The following STXBP5L variants were observed in gnomAD, a reference collection of about 807,000 sequenced individuals.
STXBP5L encodes the protein syntaxin binding protein 5L, also known as syntaxin-binding protein 5-like.
Under a neutral mutation model 144.5 loss-of-function variants are expected in STXBP5L, and 65 were observed. That is an observed-to-expected ratio of 0.45 (90% confidence interval 0.37 to 0.55). The LOEUF (loss-of-function observed/expected upper bound fraction) is 0.55, where lower values mean the gene tolerates loss of function less well. STXBP5L is among the 20% of genes least tolerant of loss of function. STXBP5L has a pLI of 0.00. For missense variants in STXBP5L, 1,298 were observed against 1,405.5 expected (o/e 0.92, Z 1.22); for synonymous variants, 505 against 469.6 (o/e 1.08, Z -0.97).
At chr3:121,103,148 C>T (rs1033250181) in intron 5 of STXBP5L, among the ~76,000 whole-genome samples, 28 of 152,124 alleles carry the variant, frequency 1.8e-4, no homozygotes, top group South Asian at 1.2e-3. Flanking sequence ...TTGGAGATTT[C>T]ACAAACAAAA....
chr3:121,327,937 A>C (rs1358082036), intron 20 of STXBP5L, among the ~76,000 whole-genome samples: 4 of 152,226 alleles, frequency 2.6e-5, no homozygotes, highest in African/African-American at 9.6e-5. Flanking sequence ...GAGCTAAGAC[A>C]GGCAGTTTTT....
At chr3:121,409,643 CAA>C (rs1248850342) in intron 23 of STXBP5L, among the ~76,000 whole-genome samples, 1 of 151,744 alleles carries the variant, frequency 6.6e-6, no homozygotes, top group Non-Finnish European at 1.5e-5. Flanking sequence ...TGAAAAAACT[CAA>C]AGAGAAGAAT....
intron 3 of STXBP5L, among the ~76,000 whole-genome samples, chr3:120,970,101 T>C (rs1336513938): frequency 6.6e-6 from 1 of 152,056 alleles, no homozygotes; most frequent in Non-Finnish European, 1.5e-5. Context: ...AATAATTTGA[T>C]TTATTGGTGT....
At chr3:121,318,973 A>G (rs1390758113) in intron 20 of STXBP5L, among the ~76,000 whole-genome samples, 1 of 152,180 alleles carries the variant, frequency 6.6e-6, no homozygotes, top group Admixed American at 6.5e-5. Flanking sequence ...ATTCACAAGG[A>G]AAAATGATGA....
chr3:121,065,138 C>A (rs1031425739), intron 5 of STXBP5L, among the ~76,000 whole-genome samples: 2 of 151,844 alleles, frequency 1.3e-5, no homozygotes, highest in Non-Finnish European at 2.9e-5. Flanking sequence ...ATCTGATCCA[C>A]TGTTGATGGG....
At chr3:121,124,878 A>G (rs1402404738) in intron 7 of STXBP5L, among the ~76,000 whole-genome samples, 1 of 152,134 alleles carries the variant, frequency 6.6e-6, no homozygotes, top group Non-Finnish European at 1.5e-5. Flanking sequence ...CATTAAGTAA[A>G]ATGGTTGTTG....
At chr3:121,040,739 G>T (rs749437182) in intron 3 of STXBP5L, among the ~76,000 whole-genome samples, 3 of 151,922 alleles carry the variant, frequency 2.0e-5, no homozygotes, top group South Asian at 2.1e-4. Flanking sequence ...CCTTGTGTTG[G>T]AGCCTTGAAA....
chr3:120,979,098 G>A (rs1941443885), intron 3 of STXBP5L, among the ~76,000 whole-genome samples: 1 of 152,212 alleles, frequency 6.6e-6, no homozygotes, highest in African/African-American at 2.4e-5. Flanking sequence ...GGACATTTAA[G>A]TCTGCAGAGG....
chr3:121,371,469 G>C (rs1295655475), intron 20 of STXBP5L, among the ~76,000 whole-genome samples: 1 of 152,242 alleles, frequency 6.6e-6, no homozygotes, highest in East Asian at 1.9e-4. Context: ...TCGTAGGGTG[G>C]TGGCAGCAGA....
chr3:121,075,837 A>G (rs887660814), intron 5 of STXBP5L, among the ~76,000 whole-genome samples: 1 of 152,196 alleles, frequency 6.6e-6, no homozygotes, highest in Non-Finnish European at 1.5e-5. Flanking sequence ...CTTATTGTGC[A>G]TACTGCCTGA....
intron 7 of STXBP5L, among the ~76,000 whole-genome samples, chr3:121,148,071 C>T (rs748982878): frequency 6.6e-5 from 10 of 152,148 alleles, no homozygotes; most frequent in East Asian, 1.9e-4. Flanking sequence ...TTCATAATCA[C>T]GTGAGCCAAT....
At chr3:121,091,957 G>T (rs1235081568) in intron 5 of STXBP5L, among the ~76,000 whole-genome samples, 4 of 152,076 alleles carry the variant, frequency 2.6e-5, no homozygotes, top group Non-Finnish European at 5.9e-5. Context: ...TTTGTATAAG[G>T]TGTAAGGAAG....
intron 9 of STXBP5L, among the ~76,000 whole-genome samples, chr3:121,189,679 G>C (rs2047556377): frequency 6.6e-6 from 1 of 152,052 alleles, no homozygotes; most frequent in African/African-American, 2.4e-5. Flanking sequence ...TTTTTCTTTT[G>C]ACTTCAGAAT....
At chr3:121,403,587 G>C (rs1488605349) in intron 22 of STXBP5L, among the ~76,000 whole-genome samples, 1 of 152,074 alleles carries the variant, frequency 6.6e-6, no homozygotes, top group African/African-American at 2.4e-5. Context: ...CAATATAGTA[G>C]TGAATAAAAC....
chr3:121,201,106 A>T (rs1034187184), intron 9 of STXBP5L, among the ~76,000 whole-genome samples: 3 of 152,062 alleles, frequency 2.0e-5, no homozygotes, highest in African/African-American at 7.2e-5. Flanking sequence ...CACTATTGCT[A>T]TGCAGGAGTC....
rs139427163 is a variant in STXBP5L, at chr3:121,386,097, A to AT, written c.2587+4566dup. ...CACATTTTATCTCTTCTAAACTGCA[A>AT]TAAGAACTAATACAATAATAACATT... On this transcript the variant is annotated intron_variant, in intron 22 of 26. Transcript: ENST00000471454. Among the ~76,000 whole-genome samples, 1,369 of 152,276 alleles carry AT rather than the reference A, an allele frequency of 9.0e-3. 19 individuals are homozygous for AT. Among genetic ancestry groups the AT allele is most frequent in the African/African-American group, 0.032 (1,313 of 41,544 alleles).
intron 3 of STXBP5L, among the ~76,000 whole-genome samples, chr3:120,985,977 C>T (rs928846849): frequency 6.6e-6 from 1 of 151,488 alleles, no homozygotes; most frequent in African/African-American, 2.4e-5. Flanking sequence ...TTTTGTTGTT[C>T]TTTTTCTAGT....
chr3:121,229,438 G>T (rs1404087076), intron 11 of STXBP5L, among the ~76,000 whole-genome samples: 2 of 151,974 alleles, frequency 1.3e-5, no homozygotes, highest in Non-Finnish European at 2.9e-5. Flanking sequence ...ATATCAATTG[G>T]AATTTTTAGC....
At chr3:121,275,620 A>G (rs1400724709) in intron 18 of STXBP5L, among the ~76,000 whole-genome samples, 1 of 152,074 alleles carries the variant, frequency 6.6e-6, no homozygotes, top group Non-Finnish European at 1.5e-5. Flanking sequence ...TCAGTTATTA[A>G]AAGAGGAATG....
Sources: gnomAD v4.1 joint callset for allele counts (sites outside exome capture counted in the v4.1 genomes callset) on GRCh38, gnomAD v4.1.1 for gene constraint, MANE v1.5 for transcripts, NCBI Gene and HGNC (gene_info 2026-07-23, HGNC 2026-07-21) for gene names.